Variants in TMEM87B observed in about 807,000 individuals in gnomAD.
The protein encoded by TMEM87B is transmembrane protein 87B.
Under a neutral mutation model 80.3 loss-of-function variants are expected in TMEM87B, and 83 were observed. The observed-to-expected ratio is 1.03, with a 90% CI of 0.87 to 1.24. The LOEUF is 1.24. Ranked by LOEUF, TMEM87B falls within the 50% of genes most tolerant of loss-of-function variation. TMEM87B has a pLI of 0.00. For missense variants in TMEM87B, 625 were observed against 674.4 expected (o/e 0.93, Z 0.81); for synonymous variants, 219 against 230.5 (o/e 0.95, Z 0.45).
Position 112,107,792 on chromosome 2 carries a change from A to G in TMEM87B, c.1529A>G (p.Glu510Gly), listed in dbSNP as rs778716731. The G allele has an allele frequency of 6.4e-7, 1 of 1,572,972 alleles. No homozygotes were observed. Among genetic ancestry groups the G allele is most frequent in the East Asian group, 2.3e-5 (1 of 44,148 alleles). ...AKPATSENFD[E>G]DLKWVEENIP... ...TAAGTATAAATATTTCTACAGGATG[A>G]AGATTTGAAGTGGGTAGAAGAAAAT... The change falls in exon 17 of 19, where the codon GAA (glutamate) becomes GGA (glycine). Residue 510 changes from glutamate to glycine, a missense_variant. Coordinates refer to ENST00000283206, the MANE Select transcript of TMEM87B (RefSeq NM_032824.3).
chr2:112,095,268 T>C, intron 11 of TMEM87B: 9 of 972,818 alleles, frequency 9.3e-6, no homozygotes, highest in Non-Finnish European at 1.1e-5. Context: ...AGCCTCCCCC[T>C]CTCTCTCCTT....
intron 17 of TMEM87B, 70 bp downstream of exon 17, chr2:112,107,910 T>A (rs980716813): frequency 6.4e-6 from 7 of 1,090,046 alleles, no homozygotes; most frequent in Non-Finnish European, 9.4e-6. Flanking sequence ...GTTCTCATCC[T>A]TTGTCATGTG....
intron 11 of TMEM87B, among the ~76,000 whole-genome samples, chr2:112,093,201 GGTT>G (rs1679354992): frequency 6.6e-6 from 1 of 152,140 alleles, no homozygotes; most frequent in Non-Finnish European, 1.5e-5. Flanking sequence ...GCCACTTGTG[GGTT>G]GTTTTCTAAG....
At chr2:112,056,869 C>T (rs1211200556) in intron 1 of TMEM87B, among the ~76,000 whole-genome samples, 1 of 152,156 alleles carries the variant, frequency 6.6e-6, no homozygotes. Context: ...TATTTAATTT[C>T]CTGAACGGGA....
chr2:112,097,288 A>G lies in TMEM87B; in HGVS notation c.1269A>G (p.Gln423=). 1 of 1,603,134 alleles carries G rather than the reference A, an allele frequency of 6.2e-7. No individual in the cohort carries two copies. Among genetic ancestry groups the G allele is most frequent in the Non-Finnish European group, 8.5e-7 (1 of 1,176,168 alleles). Residue 423 remains glutamine, a synonymous_variant, in exon 13 of 19, where the codon CAA becomes CAG. Transcript: ENST00000283206. ...AGACATTTAGAATTGCAAAATGCCA[A>G]TCAGTAAGTATAACCTTCCTATTTA... ...TTKTFRIAKC[Q]SDWMERWVDD...
intron 14 of TMEM87B, among the ~76,000 whole-genome samples, chr2:112,099,371 T>C (rs1174797362): frequency 6.6e-6 from 1 of 152,020 alleles, no homozygotes; most frequent in Admixed American, 6.5e-5. Context: ...GATTTTCAGA[T>C]TTGGGATGCT....
intron 4 of TMEM87B, among the ~76,000 whole-genome samples, chr2:112,074,289 T>A (rs567641380): frequency 6.6e-6 from 1 of 152,210 alleles, no homozygotes; most frequent in Non-Finnish European, 1.5e-5. Context: ...TTTGCTTGTC[T>A]AAAAAGGGTC....
At chr2:112,094,569 C>T (rs564450672) in intron 11 of TMEM87B, among the ~76,000 whole-genome samples, 2 of 152,260 alleles carry the variant, frequency 1.3e-5, no homozygotes, top group African/African-American at 4.8e-5. Context: ...TCTAATCCAT[C>T]TGGATTTGAG....
chr2:112,099,555 TACAC>T (rs70962984), intron 14 of TMEM87B, among the ~76,000 whole-genome samples: 4 of 73,558 alleles, frequency 5.4e-5, no homozygotes, highest in South Asian at 3.4e-4. Context: ...TATATATATA[TACAC>T]ACACACACGC....
In TMEM87B at chr2:112,118,777, T is replaced by TA. The variant is rs1680088676; in HGVS notation, c.*2640dup. The TA allele has an allele frequency of 6.6e-6, 1 of 152,108 alleles. No homozygotes were observed. Among genetic ancestry groups the TA allele is most frequent in the East Asian group, 1.9e-4 (1 of 5,190 alleles). 9.4% of individuals were successfully genotyped at this position (152,108 alleles called of 1,614,324 possible). A position where few individuals can be genotyped will look rare whatever the true frequency, so the allele number is the denominator to read the frequency against. The stretch of plus-strand genomic sequence containing the variant: ...TTACTATACTGTCAAGCTGAAAGTA[T>TA]AAAAAATGTACATATACATTTTGAG... On this transcript the variant is annotated 3_prime_UTR_variant, in exon 19 of 19. Coordinates refer to ENST00000283206, the MANE Select transcript of TMEM87B (RefSeq NM_032824.3).
At chr2:112,058,825 GATAAATGT>G (rs1678161103) in intron 1 of TMEM87B, among the ~76,000 whole-genome samples, 1 of 152,206 alleles carries the variant, frequency 6.6e-6, no homozygotes, top group African/African-American at 2.4e-5. Context: ...AACTAAATTT[GATAAATGT>G]TTGTGAGATA....
At chr2:112,105,981 T>G in intron 15 of TMEM87B, 21 bp from the exon 16 acceptor site, 2 of 1,506,712 alleles carry the variant, frequency 1.3e-6, no homozygotes, top group Non-Finnish European at 1.8e-6. Context: ...TTTATATATA[T>G]GTTTATAATG....
rs578002547 is a variant in TMEM87B at position 112,098,683 on chromosome 2, C to G, written c.1361C>G (p.Ser454Ter). The G allele has an allele frequency of 7.8e-5, 126 of 1,614,060 alleles. 2 individuals are homozygous for G. In the South Asian group the frequency reaches 1.4e-3, roughly 17 times the overall value. The change falls in exon 14 of 19, where the codon TCA becomes TGA. Residue 454 changes from serine (S) to a stop codon, truncating the protein, a stop_gained. Coordinates refer to ENST00000283206, the MANE Select transcript of TMEM87B (RefSeq NM_032824.3). LOFTEE classifies it high-confidence loss of function. Reference sequence around the variant, plus strand: ...GTAATCATGTTTTTGTGGAGACCATCAGCAAACAATCAGAGGTACCTAACA... The same window carrying G: ...GTAATCATGTTTTTGTGGAGACCATGAGCAAACAATCAGAGGTACCTAACA... ...LIVIMFLWRP[S>*]ANNQRYAFMP...
Position 112,074,913 on chromosome 2 carries a change from A to G in TMEM87B, c.452A>G (p.Asn151Ser). Residue 151 changes from asparagine (N) to serine (S), a missense_variant and splice_region_variant, in exon 5 of 19, where the codon AAT (asparagine) becomes AGT (serine). Transcript: ENST00000283206. Reference protein sequence around the residue: ...SDSQVFPSLNNKELINIRNVS... With the variant: ...SDSQVFPSLNSKELINIRNVS... ...GGCATTATTTACTCTTTTTTCCAGA[A>G]TAAAGAACTAATAAATATCAGAAAT... 6.4e-7 allele frequency: 1 copy of G among 1,574,514 alleles called. No individual in the cohort carries two copies.
intron 4 of TMEM87B, among the ~76,000 whole-genome samples, chr2:112,068,959 G>A (rs1467652471): frequency 6.6e-6 from 1 of 151,688 alleles, no homozygotes; most frequent in Non-Finnish European, 1.5e-5. Context: ...TTGGGAGGCC[G>A]AGGCGGGTGG....
intron 18 of TMEM87B, among the ~76,000 whole-genome samples, chr2:112,115,866 C>G (rs1031547109): frequency 1.3e-5 from 2 of 152,144 alleles, no homozygotes; most frequent in Admixed American, 6.5e-5. Context: ...GAACTCCTAG[C>G]GTCAAGCAGC....
intron 4 of TMEM87B, among the ~76,000 whole-genome samples, chr2:112,070,918 T>G (rs533706257): frequency 1.3e-5 from 2 of 151,524 alleles, no homozygotes; most frequent in South Asian, 4.2e-4. Context: ...ACCTCCCGGG[T>G]TCATGCCATT....
chr2:112,107,230 T>C (rs1249458221), intron 16 of TMEM87B, among the ~76,000 whole-genome samples: 1 of 151,910 alleles, frequency 6.6e-6, no homozygotes, highest in Non-Finnish European at 1.5e-5. Context: ...TGGTGGCATG[T>C]GCCTGTCATC....
chr2:112,106,765 TTATG>T (rs1399385024), intron 16 of TMEM87B, among the ~76,000 whole-genome samples: 1 of 152,230 alleles, frequency 6.6e-6, no homozygotes, highest in Non-Finnish European at 1.5e-5. Context: ...ATGTAAAAAT[TTATG>T]TATGCATATA....
Sources: gnomAD v4.1 joint callset for allele counts (sites outside exome capture counted in the v4.1 genomes callset) on GRCh38, gnomAD v4.1.1 for gene constraint, MANE v1.5 for transcripts, NCBI Gene and HGNC (gene_info 2026-07-23, HGNC 2026-07-21) for gene names.